MARCHF3: variants seen among roughly 807,000 people sequenced by gnomAD.
MARCHF3 encodes the protein E3 ubiquitin-protein ligase MARCHF3.
A neutral mutation model predicts 24.2 loss-of-function variants in MARCHF3; 13 were observed. The ratio of observed to expected loss-of-function variants is 0.54; its 90% CI spans 0.35 to 0.85. MARCHF3 has a LOEUF of 0.85. MARCHF3 is among the 40% of genes least tolerant of loss of function. The pLI, the probability that MARCHF3 is intolerant of heterozygous loss-of-function variation, is 0.01. For missense variants in MARCHF3, 276 were observed against 325.0 expected, an observed-to-expected ratio of 0.85 and a Z score of 1.16; for synonymous variants, 144 against 137.3, an observed-to-expected ratio of 1.05 and a Z score of -0.34.
At chr5:127,000,694 TTTTA>T (rs1554072123) in intron 1 of MARCHF3, among the ~76,000 whole-genome samples, 1 of 152,064 alleles carries the variant, frequency 6.6e-6, no homozygotes, top group East Asian at 1.9e-4. Flanking sequence ...TTATTTTTAT[TTTTA>T]TTTATTTATT....
chr5:126,883,206 T>C (rs1419845620), intron 3 of MARCHF3, among the ~76,000 whole-genome samples: 1 of 152,174 alleles, frequency 6.6e-6, no homozygotes, highest in Non-Finnish European at 1.5e-5. Context: ...TACTTGGTGG[T>C]TAGCTATATT....
chr5:126,936,840 C>T (rs865811829), intron 1 of MARCHF3, among the ~76,000 whole-genome samples: 14 of 152,216 alleles, frequency 9.2e-5, no homozygotes, highest in Middle Eastern at 3.4e-3. Flanking sequence ...TCCTTTATTC[C>T]GTAGGTGCAG....
At position 126,928,103 on chromosome 5, in the gene MARCHF3, C is replaced by G. The variant is rs1056234002; in HGVS notation, c.-56-9876G>C. Among the ~76,000 whole-genome samples, 55 of 152,272 alleles carry G rather than the reference C, an allele frequency of 3.6e-4. 1 individual carries two copies. The highest frequency in any genetic ancestry group is 1.3e-3 in the African/African-American group (55 of 41,548). ...ACTTAATAAATACAGTAGGCCTTTA[C>G]TGCCTTCTAGGGTGAAAATAACACT... On this transcript the variant is annotated intron_variant, in intron 1 of 4. Transcript: ENST00000308660.
intron 1 of MARCHF3, among the ~76,000 whole-genome samples, chr5:126,954,662 T>C (rs908821727): frequency 2.0e-5 from 3 of 151,312 alleles, no homozygotes; most frequent in East Asian, 3.9e-4. Context: ...TGACCCACCA[T>C]GCCTGGCCCC....
At chr5:126,910,189 C>T (rs546600659) in intron 3 of MARCHF3, among the ~76,000 whole-genome samples, 1 of 152,322 alleles carries the variant, frequency 6.6e-6, no homozygotes, top group East Asian at 1.9e-4. Flanking sequence ...ATTTAAATCA[C>T]AACATTGTTG....
At chr5:126,996,867 C>T (rs982240022) in intron 1 of MARCHF3, among the ~76,000 whole-genome samples, 1 of 151,922 alleles carries the variant, frequency 6.6e-6, no homozygotes, top group African/African-American at 2.4e-5. Flanking sequence ...AAAATCAGAG[C>T]GCAGAAGAGT....
chr5:126,890,969 T>A (rs1453918266), intron 3 of MARCHF3, among the ~76,000 whole-genome samples: 1 of 150,422 alleles, frequency 6.6e-6, no homozygotes, highest in Non-Finnish European at 1.5e-5. Flanking sequence ...GACTTTTTAA[T>A]GATCGCCATT....
Position 126,867,831 on chromosome 5 carries a change from TCCCCAAATGAG to T in MARCHF3, c.*2791_*2801del, listed in dbSNP as rs1752817882. The T allele has an allele frequency of 6.6e-6, 1 of 152,246 alleles. No individual in the cohort carries two copies. Among genetic ancestry groups the T allele is most frequent in the Admixed American group, 6.5e-5 (1 of 15,280 alleles). The allele number at this position is 152,246 out of a possible 1,614,324, so 9.4% of individuals were successfully genotyped here. A position where few individuals can be genotyped will look rare whatever the true frequency, so the allele number is the denominator to read the frequency against. ...GTCGATGCTCTGTGTCCTCCGTCCT[TCCCCAAATGAG>T]CACATATGCAGGGCAGGCAAGAGCA... On this transcript the variant is annotated 3_prime_UTR_variant, in exon 5 of 5. Coordinates refer to ENST00000308660, the MANE Select transcript of MARCHF3 (RefSeq NM_178450.5).
chr5:126,933,024 C>T (rs900231503), intron 1 of MARCHF3, among the ~76,000 whole-genome samples: 7 of 152,136 alleles, frequency 4.6e-5, no homozygotes, highest in African/African-American at 7.2e-5. Context: ...ATCTTGTTTA[C>T]GCAGAGCTCA....
chr5:126,984,630 G>C (rs1361766373), intron 1 of MARCHF3, among the ~76,000 whole-genome samples: 1 of 152,136 alleles, frequency 6.6e-6, no homozygotes, highest in Non-Finnish European at 1.5e-5. Flanking sequence ...AAAAACTATA[G>C]AGTCACCCCG....
At chr5:126,951,916 G>A (rs994571335) in intron 1 of MARCHF3, among the ~76,000 whole-genome samples, 1 of 151,806 alleles carries the variant, frequency 6.6e-6, no homozygotes. Context: ...GCACTATCTC[G>A]GCTCACTGCA....
chr5:126,945,021 C>G (rs987603558), intron 1 of MARCHF3, among the ~76,000 whole-genome samples: 1 of 152,150 alleles, frequency 6.6e-6, no homozygotes, highest in Admixed American at 6.5e-5. Flanking sequence ...CCTCCCTCAT[C>G]CATCCCTTCT....
intron 3 of MARCHF3, chr5:126,898,859 A>C: frequency 1.0e-6 from 1 of 984,646 alleles, no homozygotes; most frequent in African/African-American, 1.7e-5. Context: ...TGATGAAATA[A>C]TGAGTAGAAA....
chr5:126,957,431 G>A (rs1285785698), intron 1 of MARCHF3, among the ~76,000 whole-genome samples: 1 of 152,024 alleles, frequency 6.6e-6, no homozygotes, highest in African/African-American at 2.4e-5. Context: ...ACTTCCAAGT[G>A]CAGATAAATA....
chr5:127,009,103 A>G (rs1752402976), intron 1 of MARCHF3, among the ~76,000 whole-genome samples: 1 of 152,112 alleles, frequency 6.6e-6, no homozygotes, highest in African/African-American at 2.4e-5. Context: ...AATCTGTCCA[A>G]ATTTCCTCCA....
intron 1 of MARCHF3, among the ~76,000 whole-genome samples, chr5:126,976,484 A>T (rs1049661054): frequency 1.3e-5 from 2 of 152,126 alleles, no homozygotes; most frequent in Non-Finnish European, 2.9e-5. Context: ...TTGCAGAACT[A>T]TCTGACCCTC....
At chr5:126,879,355 G>A (rs1580593236) in intron 3 of MARCHF3, among the ~76,000 whole-genome samples, 1 of 152,236 alleles carries the variant, frequency 6.6e-6, no homozygotes, top group Admixed American at 6.5e-5. Flanking sequence ...CCTGAGGATG[G>A]TCTTGGGGAT....
chr5:126,869,813 T>C lies in MARCHF3; in HGVS notation c.*820A>G, dbSNP rs957906728. The C allele has an allele frequency of 3.9e-5, 6 of 152,474 alleles. No individual in the cohort carries two copies. The highest frequency in any genetic ancestry group is 1.4e-4 in the African/African-American group (6 of 41,390). 9.4% of individuals were successfully genotyped at this position (152,474 alleles called of 1,614,324 possible). A position where few individuals can be genotyped will look rare whatever the true frequency, so the allele number is the denominator to read the frequency against. Reference sequence around the variant, plus strand: ...CCTTTTAAAACCTGCTTTGGGAAACTTCACAGGTTTTATCATTAAAAAAAG... The same window carrying C: ...CCTTTTAAAACCTGCTTTGGGAAACCTCACAGGTTTTATCATTAAAAAAAG... On this transcript the variant is annotated 3_prime_UTR_variant, in exon 5 of 5. Transcript: ENST00000308660.
chr5:126,876,167 T>C (rs1018512048), intron 4 of MARCHF3, among the ~76,000 whole-genome samples: 6 of 152,206 alleles, frequency 3.9e-5, no homozygotes, highest in African/African-American at 7.2e-5. Context: ...TTTTCTTCCT[T>C]TCTTCCTTCT....
Sources: gnomAD v4.1 joint callset for allele counts (sites outside exome capture counted in the v4.1 genomes callset) on GRCh38, gnomAD v4.1.1 for gene constraint, MANE v1.5 for transcripts, NCBI Gene and HGNC (gene_info 2026-07-23, HGNC 2026-07-21) for gene names.